The following FSIP1 variants were observed in gnomAD, a reference collection of about 807,000 sequenced individuals.
The protein encoded by FSIP1 is fibrous sheath-interacting protein 1.
In FSIP1, 65 loss-of-function variants were observed where a neutral mutation model predicts 60.9. The observed-to-expected ratio is 1.07, with a 90% confidence interval of 0.87 to 1.31. FSIP1 has a LOEUF of 1.31. Ranked by LOEUF, FSIP1 falls within the 40% of genes most tolerant of loss-of-function variation. The pLI is 0.00. For missense variants in FSIP1, 675 were observed against 665.5 expected (o/e 1.01, Z -0.16); for synonymous variants, 209 against 221.2 (o/e 0.94, Z 0.49).
chr15:39,724,909 C>A (rs115018574), intron 9 of FSIP1, among the ~76,000 whole-genome samples: 18,027 of 152,052 alleles, frequency 0.12, 1,282 homozygotes, highest in African/African-American at 0.2. Flanking sequence ...AATTCAGTAA[C>A]ATAAATAAAC....
At chr15:39,727,140 G>A (rs1190603239) in intron 8 of FSIP1, among the ~76,000 whole-genome samples, 3 of 152,192 alleles carry the variant, frequency 2.0e-5, no homozygotes, top group Non-Finnish European at 4.4e-5. Flanking sequence ...TCCCTTAAAA[G>A]TAACATAGCA....
intron 2 of FSIP1, 108 bp downstream of exon 2, chr15:39,776,291 C>T: frequency 9.8e-7 from 1 of 1,022,614 alleles, no homozygotes. Flanking sequence ...TCCCCAAACA[C>T]ACCGTCTAAG....
At chr15:39,644,158 C>A (rs1044963850) in intron 10 of FSIP1, among the ~76,000 whole-genome samples, 2 of 152,154 alleles carry the variant, frequency 1.3e-5, no homozygotes, top group African/African-American at 4.8e-5. Context: ...TGAAATTTCG[C>A]CTATAGGCTC....
chr15:39,650,892 C>T (rs1892841204), intron 10 of FSIP1, among the ~76,000 whole-genome samples: 1 of 152,164 alleles, frequency 6.6e-6, no homozygotes, highest in Non-Finnish European at 1.5e-5. Context: ...AAAACAATTC[C>T]TATTAATTTA....
chr15:39,760,286 G>A (rs535241011), intron 5 of FSIP1, among the ~76,000 whole-genome samples: 4 of 152,220 alleles, frequency 2.6e-5, no homozygotes, highest in Middle Eastern at 6.8e-3. Context: ...GATTGATGCT[G>A]AAATTAGTAG....
intron 10 of FSIP1, among the ~76,000 whole-genome samples, chr15:39,694,634 T>C (rs1224710952): frequency 6.6e-6 from 1 of 151,886 alleles, no homozygotes; most frequent in Non-Finnish European, 1.5e-5. Context: ...ACGCCGTCTC[T>C]ACTAAAAATA....
chr15:39,741,399 C>T (rs1229592517), intron 6 of FSIP1, among the ~76,000 whole-genome samples: 1 of 152,142 alleles, frequency 6.6e-6, no homozygotes, highest in Non-Finnish European at 1.5e-5. Context: ...GGGGTAGGCC[C>T]CTGACCCAGC....
chr15:39,730,165 A>G (rs2140607587), intron 8 of FSIP1, among the ~76,000 whole-genome samples: 1 of 152,288 alleles, frequency 6.6e-6, no homozygotes, highest in South Asian at 2.1e-4. Context: ...CACATTATCT[A>G]AACTAGGGAT....
intron 10 of FSIP1, among the ~76,000 whole-genome samples, chr15:39,640,728 A>AAC (rs1491552006): frequency 1.2e-5 from 1 of 80,394 alleles, no homozygotes; most frequent in Non-Finnish European, 2.1e-5. Flanking sequence ...ATTTACAGAC[A>AAC]AAAAAAAAAA....
At chr15:39,747,591 A>G (rs1452477778) in intron 5 of FSIP1, 8 of 152,222 alleles carry the variant, frequency 5.3e-5, no homozygotes, top group Admixed American at 5.2e-4. Context: ...CCACTCTACC[A>G]TATCTAAGAA....
chr15:39,615,493 C>A (rs557968102), intron 11 of FSIP1, among the ~76,000 whole-genome samples: 1 of 149,730 alleles, frequency 6.7e-6, no homozygotes, highest in South Asian at 2.1e-4. Flanking sequence ...AAATGGCCAA[C>A]AGGTTCATGA....
intron 5 of FSIP1, among the ~76,000 whole-genome samples, chr15:39,745,189 G>A (rs1249878567): frequency 1.4e-5 from 2 of 147,214 alleles, no homozygotes; most frequent in African/African-American, 2.5e-5. Context: ...GAAACAGAAA[G>A]GGAAAAAGAG....
intron 11 of FSIP1, among the ~76,000 whole-genome samples, chr15:39,604,218 A>C (rs1890743750): frequency 6.6e-6 from 1 of 152,258 alleles, no homozygotes; most frequent in Non-Finnish European, 1.5e-5. Flanking sequence ...GGCGTGAGCC[A>C]CAGTGCCCGG....
chr15:39,720,126 C>T (rs991134021), intron 9 of FSIP1, among the ~76,000 whole-genome samples: 2 of 152,178 alleles, frequency 1.3e-5, no homozygotes, highest in African/African-American at 4.8e-5. Context: ...ATGGCCCTTA[C>T]TGGAACTATA....
At chr15:39,749,218 C>A (rs1897089410) in intron 5 of FSIP1, among the ~76,000 whole-genome samples, 1 of 122,262 alleles carries the variant, frequency 8.2e-6, no homozygotes, top group Non-Finnish European at 1.7e-5. Context: ...TGAATTCCAC[C>A]AAACTCTCCA....
chr15:39,609,188 G>A (rs1890935280), intron 11 of FSIP1, among the ~76,000 whole-genome samples: 1 of 152,210 alleles, frequency 6.6e-6, no homozygotes. Flanking sequence ...GGATCTTGCA[G>A]TGGCTCTGCA....
At chr15:39,657,598 T>C (rs1440901182) in intron 10 of FSIP1, among the ~76,000 whole-genome samples, 1 of 152,070 alleles carries the variant, frequency 6.6e-6, no homozygotes, top group African/African-American at 2.4e-5. Flanking sequence ...AAATAGCAAA[T>C]AAAATGTTAC....
At chr15:39,648,502 A>T (rs1376394764) in intron 10 of FSIP1, among the ~76,000 whole-genome samples, 2 of 152,222 alleles carry the variant, frequency 1.3e-5, no homozygotes, top group Non-Finnish European at 2.9e-5. Flanking sequence ...GTGGTTGGGA[A>T]CCACTGACAC....
chr15:39,611,505 T>A (rs1280100115), intron 11 of FSIP1, among the ~76,000 whole-genome samples: 1 of 152,116 alleles, frequency 6.6e-6, no homozygotes. Flanking sequence ...AAACCTGTAA[T>A]AGTTGCACAA....
Sources: gnomAD v4.1 joint callset for allele counts (sites outside exome capture counted in the v4.1 genomes callset) on GRCh38, gnomAD v4.1.1 for gene constraint, MANE v1.5 for transcripts, NCBI Gene and HGNC (gene_info 2026-07-23, HGNC 2026-07-21) for gene names.